Variants in CPEB1 observed in about 807,000 individuals in gnomAD.
CPEB1 encodes the protein cytoplasmic polyadenylation element binding protein 1, also known as cytoplasmic polyadenylation element-binding protein 1.
Under a neutral mutation model 65.8 loss-of-function variants are expected in CPEB1, and 7 were observed. The observed-to-expected ratio is 0.11, with a 90% confidence interval of 0.06 to 0.20. The LOEUF is 0.20. CPEB1 is among the 10% of genes least tolerant of loss of function. The pLI, the probability that CPEB1 is intolerant of heterozygous loss-of-function variation, is 1.00. For missense variants in CPEB1, 551 were observed against 712.2 expected, an observed-to-expected ratio of 0.77 and a Z score of 2.58; for synonymous variants, 262 against 260.0, an observed-to-expected ratio of 1.01 and a Z score of -0.08.
chr15:82,611,826 C>T (rs576410159), intron 3 of CPEB1, among the ~76,000 whole-genome samples: 1 of 150,074 alleles, frequency 6.7e-6, no homozygotes, highest in East Asian at 2.0e-4. Flanking sequence ...AAATAAATGA[C>T]ACATAAAAGA....
intron 4 of CPEB1, among the ~76,000 whole-genome samples, chr15:82,566,676 G>T (rs943636335): frequency 2.0e-5 from 3 of 152,000 alleles, no homozygotes; most frequent in African/African-American, 7.3e-5. Context: ...CATGTCCCTT[G>T]TAAGGTCAGC....
chr15:82,612,743 A>C (rs1414034643), intron 3 of CPEB1, among the ~76,000 whole-genome samples: 1 of 152,090 alleles, frequency 6.6e-6, no homozygotes, highest in Non-Finnish European at 1.5e-5. Flanking sequence ...CTGAGGCAGG[A>C]GAATCGCTTG....
intron 1 of CPEB1, chr15:82,629,527 A>G (rs2046064471): frequency 2.0e-6 from 2 of 985,282 alleles, no homozygotes; most frequent in South Asian, 9.4e-5. Flanking sequence ...AAATAACACC[A>G]CCATCCACCA....
intron 3 of CPEB1, among the ~76,000 whole-genome samples, chr15:82,601,241 A>C (rs929920834): frequency 6.7e-6 from 1 of 148,508 alleles, no homozygotes; most frequent in African/African-American, 2.5e-5. Context: ...GGTTTTCTTA[A>C]AAAAAAAAAG....
intron 3 of CPEB1, among the ~76,000 whole-genome samples, chr15:82,614,845 A>G (rs536133538): frequency 1.5e-5 from 2 of 133,606 alleles, no homozygotes; most frequent in South Asian, 2.5e-4. Flanking sequence ...TCTTTAAAAT[A>G]TAAGTGTGTG....
rs202101964 is a variant in CPEB1 at position 82,556,044 on chromosome 15, C to T, written c.766G>A (p.Val256Ile). The T allele has an allele frequency of 3.7e-6, 6 of 1,612,846 alleles. No individual in the cohort carries two copies. Among genetic ancestry groups the T allele is most frequent in the Non-Finnish European group, 4.2e-6 (5 of 1,179,528 alleles). ...TGCTCTTGGTCCATCCGAGACCCTA[C>T]CCCCATCTTTAAAGGGTCTCTGGGA... ...GGPRDPLKMG[V>I]GSRMDQEQAA... is the part of the protein sequence containing the mutation. The change falls in exon 6 of 13, where the codon GTA becomes ATA. Residue 256 changes from valine (V) to isoleucine (I), a missense_variant. Transcript: ENST00000684509.
At chr15:82,579,931 A>T (rs1286466557) in intron 3 of CPEB1, among the ~76,000 whole-genome samples, 1 of 115,164 alleles carries the variant, frequency 8.7e-6, no homozygotes, top group Non-Finnish European at 1.7e-5. Flanking sequence ...AAAAAAAAAA[A>T]AAAAAAAAAA....
intron 3 of CPEB1, among the ~76,000 whole-genome samples, chr15:82,617,036 TTAA>T (rs1218895990): frequency 1.3e-5 from 2 of 152,180 alleles, no homozygotes; most frequent in African/African-American, 4.8e-5. Context: ...CCCCAAAAGT[TTAA>T]TACCCTTTTG....
intron 3 of CPEB1, among the ~76,000 whole-genome samples, chr15:82,626,740 T>C (rs528573338): frequency 2.0e-5 from 3 of 152,346 alleles, no homozygotes; most frequent in Non-Finnish European, 4.4e-5. Context: ...TGTTGAGATA[T>C]GCTTGTAAAA....
chr15:82,555,438 G>A lies in CPEB1; in HGVS notation c.940+432C>T, dbSNP rs181228638. Among the ~76,000 whole-genome samples the A allele has an allele frequency of 2.0e-5, 3 of 152,310 alleles. No homozygotes were observed. The East Asian group carries it at 5.8e-4, about 29-fold the overall frequency. The stretch of plus-strand genomic sequence containing the variant: ...TGACTATACCAATCAGAAAGCCTCA[G>A]GGAAGAAAGCTCCAGCATGAGTTGT... On this transcript the variant is annotated intron_variant, in intron 6 of 12. Transcript: ENST00000684509.
intron 3 of CPEB1, among the ~76,000 whole-genome samples, chr15:82,623,137 T>C (rs560587836): frequency 6.6e-6 from 1 of 152,348 alleles, no homozygotes; most frequent in Admixed American, 6.5e-5. Flanking sequence ...AACATCCAGT[T>C]AAGACTAAAG....
At chr15:82,581,394 G>A (rs1009896487) in intron 3 of CPEB1, among the ~76,000 whole-genome samples, 2 of 152,282 alleles carry the variant, frequency 1.3e-5, no homozygotes, top group Admixed American at 1.3e-4. Flanking sequence ...ATTGTAAATA[G>A]TACTGTTATG....
At chr15:82,546,736 C>G (rs1053127527) in intron 11 of CPEB1, among the ~76,000 whole-genome samples, 1 of 152,154 alleles carries the variant, frequency 6.6e-6, no homozygotes, top group African/African-American at 2.4e-5. Flanking sequence ...CACAGTCAGG[C>G]TGGATGCCTC....
chr15:82,549,045 C>T (rs954577897), intron 10 of CPEB1, among the ~76,000 whole-genome samples: 1 of 152,230 alleles, frequency 6.6e-6, no homozygotes, highest in Non-Finnish European at 1.5e-5. Context: ...TCCAGCCTGA[C>T]CTGGTCTCTG....
chr15:82,571,551 C>T lies in CPEB1; in HGVS notation c.272-19G>A. 1 of 1,605,938 alleles carries T rather than the reference C, an allele frequency of 6.2e-7. No homozygotes were observed. The highest frequency in any genetic ancestry group is 8.5e-7 in the Non-Finnish European group (1 of 1,175,884). ...TGGAAGTCTGTTTTGGAAAGGAGCA[C>T]AGCAGAAACCTCAGAGTTAAGGGCT... is the stretch of plus-strand genomic sequence containing the variant. On this transcript the variant is annotated intron_variant, in intron 3 of 12. Coordinates refer to ENST00000684509, the MANE Select transcript of CPEB1 (RefSeq NM_001365242.1).
intron 1 of CPEB1, among the ~76,000 whole-genome samples, chr15:82,643,560 C>T (rs1489122874): frequency 1.3e-5 from 2 of 151,542 alleles, no homozygotes; most frequent in East Asian, 1.9e-4. Flanking sequence ...ACCCCAGAGG[C>T]GGAGGTTGCA....
chr15:82,612,318 G>A (rs1166443044), intron 3 of CPEB1, among the ~76,000 whole-genome samples: 1 of 151,856 alleles, frequency 6.6e-6, no homozygotes, highest in Non-Finnish European at 1.5e-5. Flanking sequence ...CTAACATGGT[G>A]AAACCCCATC....
chr15:82,585,653 C>T (rs2041737510), intron 3 of CPEB1, among the ~76,000 whole-genome samples: 1 of 152,142 alleles, frequency 6.6e-6, no homozygotes, highest in African/African-American at 2.4e-5. Context: ...CGAGCCCTTC[C>T]CCCACCATGC....
intron 2 of CPEB1, 49 bp downstream of exon 2, chr15:82,628,315 T>A (rs2045947771): frequency 1.4e-6 from 1 of 701,476 alleles, no homozygotes; most frequent in South Asian, 1.5e-5. Context: ...AGGTTGGGAG[T>A]GAAGATTTCC....
Sources: allele counts gnomAD v4.1 joint callset (sites outside exome capture counted in the v4.1 genomes callset), GRCh38; gene constraint gnomAD v4.1.1; transcripts MANE v1.5; gene names NCBI Gene and HGNC (gene_info 2026-07-23, HGNC 2026-07-21).